The following VTA1 variants were observed in gnomAD, a reference collection of about 807,000 sequenced individuals.
VTA1 encodes vacuolar protein sorting-associated protein VTA1 homolog.
In VTA1, 24 loss-of-function variants were observed where a neutral mutation model predicts 36.9. The ratio of observed to expected loss-of-function variants is 0.65; its 90% CI spans 0.47 to 0.91. The LOEUF (loss-of-function observed/expected upper bound fraction) is 0.91. Among genes scored for constraint, VTA1 ranks in the 40% least tolerant of loss-of-function variants. The probability of loss-of-function intolerance (pLI) is 0.00; values close to 1 mark genes in which losing one functional copy is unlikely to be tolerated. For synonymous variants in VTA1, 142 were observed against 130.2 expected, an observed-to-expected ratio of 1.09 and a Z score of -0.62; for missense variants, 393 against 377.2, an observed-to-expected ratio of 1.04 and a Z score of -0.35.
intron 4 of VTA1, among the ~76,000 whole-genome samples, chr6:142,177,597 A>C (rs1053277314): frequency 2.0e-5 from 3 of 152,186 alleles, no homozygotes; most frequent in Non-Finnish European, 4.4e-5. Flanking sequence ...TTGAGTTTTC[A>C]GAAAGGAGAT....
At chr6:142,148,475 C>T (rs1195295755) in intron 1 of VTA1, among the ~76,000 whole-genome samples, 1 of 152,134 alleles carries the variant, frequency 6.6e-6, no homozygotes, top group Non-Finnish European at 1.5e-5. Flanking sequence ...TTTACAGCAT[C>T]ATTTTTATTA....
chr6:142,175,316 G>T (rs1012349934), intron 4 of VTA1, among the ~76,000 whole-genome samples: 14 of 151,892 alleles, frequency 9.2e-5, no homozygotes, highest in Middle Eastern at 3.4e-3. Context: ...TTTCTGTCAT[G>T]CTCCGTACTC....
At chr6:142,198,673 TTTC>T (rs1362684754) in intron 6 of VTA1, 58 bp downstream of exon 6, 1 of 1,483,182 alleles carries the variant, frequency 6.7e-7, no homozygotes, top group Non-Finnish European at 9.1e-7. Flanking sequence ...AAGAACTGCA[TTTC>T]TTATCACATA....
At chr6:142,197,938 A>G (rs1015605418) in intron 5 of VTA1, among the ~76,000 whole-genome samples, 19 of 151,468 alleles carry the variant, frequency 1.3e-4, no homozygotes, top group African/African-American at 4.6e-4. Context: ...AAAACCAAAA[A>G]AAAAACAAAC....
chr6:142,183,424 C>G (rs1231976539), intron 4 of VTA1, among the ~76,000 whole-genome samples: 2 of 152,170 alleles, frequency 1.3e-5, no homozygotes, highest in Non-Finnish European at 2.9e-5. Context: ...AAAATCCCTC[C>G]TCCCGCCTAT....
chr6:142,199,842 A>C (rs533620404), intron 6 of VTA1, among the ~76,000 whole-genome samples: 4 of 152,204 alleles, frequency 2.6e-5, no homozygotes, highest in Admixed American at 1.3e-4. Flanking sequence ...TAATAGACAA[A>C]CCTATTTGCA....
At position 142,211,694 on chromosome 6, in the gene VTA1, G is replaced by T. The variant is rs534533474; in HGVS notation, c.779-6804G>T. ...CCACTGCAGTCCGGCCTGGGCGAAAGAGCGAGACTCCATCTCTTAAAAAAA... is the reference window on the plus strand; with the variant it reads ...CCACTGCAGTCCGGCCTGGGCGAAATAGCGAGACTCCATCTCTTAAAAAAA... On this transcript the variant is annotated intron_variant, in intron 7 of 7. Transcript: ENST00000367630. Among the ~76,000 whole-genome samples the T allele has an allele frequency of 2.9e-5, 4 of 136,134 alleles. No homozygotes were observed. The East Asian group carries it at 8.9e-4, about 30-fold the overall frequency. 89.3% of individuals were successfully genotyped at this position (136,134 alleles called of 152,430 possible). A position where few individuals can be genotyped will look rare whatever the true frequency, so the allele number is the denominator to read the frequency against.
intron 4 of VTA1, among the ~76,000 whole-genome samples, chr6:142,176,859 C>T: frequency 6.6e-6 from 1 of 152,032 alleles, no homozygotes. Context: ...TTTTTGGATC[C>T]TGTTATGGTC....
intron 4 of VTA1, among the ~76,000 whole-genome samples, chr6:142,179,698 A>G (rs1292040083): frequency 6.6e-6 from 1 of 152,192 alleles, no homozygotes; most frequent in Non-Finnish European, 1.5e-5. Context: ...AGTATGGTTT[A>G]CCCAGGTATA....
chr6:142,206,219 G>A (rs1018627530), intron 7 of VTA1, among the ~76,000 whole-genome samples: 3 of 152,192 alleles, frequency 2.0e-5, no homozygotes, highest in African/African-American at 7.2e-5. Context: ...CTGGATTGCA[G>A]TATACATGAT....
intron 1 of VTA1, among the ~76,000 whole-genome samples, 200 bp downstream of exon 1, chr6:142,147,599 C>T (rs1778475276): frequency 6.6e-6 from 1 of 152,228 alleles, no homozygotes; most frequent in African/African-American, 2.4e-5. Context: ...ACTGCTTCTC[C>T]TATCTTGTGC....
chr6:142,188,653 C>T (rs565842768), intron 4 of VTA1, among the ~76,000 whole-genome samples: 2 of 152,288 alleles, frequency 1.3e-5, no homozygotes, highest in South Asian at 4.1e-4. Flanking sequence ...GCATTTCTAA[C>T]AAGTTCCCAA....
intron 4 of VTA1, among the ~76,000 whole-genome samples, chr6:142,173,273 A>G (rs1159554734): frequency 6.6e-6 from 1 of 152,228 alleles, no homozygotes; most frequent in Admixed American, 6.5e-5. Context: ...GTAAACACTT[A>G]TTTTTGCAGT....
Position 142,147,297 on chromosome 6 carries a change from C to T in VTA1, c.10C>T (p.Leu4Phe), listed in dbSNP as rs757759063. The T allele has an allele frequency of 2.5e-6, 4 of 1,614,086 alleles. No homozygotes were observed. The highest frequency in any genetic ancestry group is 3.4e-6 in the Non-Finnish European group (4 of 1,180,042). MAA[L>F]APLPPLPAQF... ...TGAGTTCGGAGTAGAGATGGCCGCG[C>T]TTGCACCGCTGCCCCCGCTCCCCGC... Residue 4 changes from leucine to phenylalanine, a missense_variant, in exon 1 of 8, where the codon CTT (leucine) becomes TTT (phenylalanine). Leu to Phe is a conservative substitution (Grantham distance 22). Coordinates refer to ENST00000367630, the MANE Select transcript of VTA1 (RefSeq NM_016485.5).
chr6:142,197,917 AC>A (rs1256575097), intron 5 of VTA1, among the ~76,000 whole-genome samples: 10 of 148,358 alleles, frequency 6.7e-5, no homozygotes, highest in Admixed American at 4.0e-4. Context: ...TACTAAAAAT[AC>A]AAAAAAAAAA....
chr6:142,167,222 A>G (rs941093764), intron 2 of VTA1, among the ~76,000 whole-genome samples: 1 of 152,106 alleles, frequency 6.6e-6, no homozygotes, highest in African/African-American at 2.4e-5. Context: ...AGAAGTGCCT[A>G]TTGGATTGGA....
At chr6:142,169,529 A>G (rs1339281572) in intron 2 of VTA1, 21 bp from the exon 3 acceptor site, 22 of 1,604,462 alleles carry the variant, frequency 1.4e-5, no homozygotes, top group Middle Eastern at 1.7e-4. Context: ...ATCATAAGCT[A>G]TGTATCTGAT....
chr6:142,171,524 CTATT>C (rs1451120529), intron 4 of VTA1, among the ~76,000 whole-genome samples: 4 of 152,202 alleles, frequency 2.6e-5, no homozygotes, highest in Admixed American at 6.5e-5. Context: ...TTCATTCTAT[CTATT>C]TGATTCCCAT....
intron 1 of VTA1, among the ~76,000 whole-genome samples, chr6:142,163,617 G>A (rs1774855598): frequency 6.6e-6 from 1 of 152,044 alleles, no homozygotes. Context: ...CAGAGAAGGA[G>A]AAGGAATCAG....
Sources: allele counts gnomAD v4.1 joint callset (sites outside exome capture counted in the v4.1 genomes callset), GRCh38; gene constraint gnomAD v4.1.1; transcripts MANE v1.5; gene names NCBI Gene and HGNC (gene_info 2026-07-23, HGNC 2026-07-21).